Variants in SLC24A3 observed in about 807,000 individuals in gnomAD.
SLC24A3 encodes solute carrier family 24 member 3.
In SLC24A3, 28 loss-of-function variants were observed where a neutral mutation model predicts 75.8. That is an observed-to-expected ratio of 0.37 (90% CI 0.27 to 0.51). SLC24A3 has a LOEUF of 0.51. Among genes scored for constraint, SLC24A3 ranks in the 20% least tolerant of loss-of-function variants. The probability of loss-of-function intolerance (pLI) is 0.94; values close to 1 mark genes in which losing one functional copy is unlikely to be tolerated. For missense variants in SLC24A3, 663 were observed against 847.8 expected (o/e 0.78, Z 2.71); for synonymous variants, 372 against 334.1 (o/e 1.11, Z -1.24).
At chr20:19,326,905 A>G (rs1984876049) in intron 2 of SLC24A3, among the ~76,000 whole-genome samples, 1 of 152,166 alleles carries the variant, frequency 6.6e-6, no homozygotes, top group Non-Finnish European at 1.5e-5. Flanking sequence ...ACAGAAATAG[A>G]TTATTTGGAA....
chr20:19,569,532 C>T (rs1445191101), intron 3 of SLC24A3, among the ~76,000 whole-genome samples: 1 of 152,184 alleles, frequency 6.6e-6, no homozygotes, highest in Non-Finnish European at 1.5e-5. Context: ...CCATTCTTCT[C>T]TGCCCTGCTC....
intron 1 of SLC24A3, among the ~76,000 whole-genome samples, chr20:19,267,965 T>A (rs920654169): frequency 7.9e-5 from 12 of 152,202 alleles, no homozygotes; most frequent in Non-Finnish European, 1.8e-4. Context: ...TCAACAGTTT[T>A]AAAAAATTAT....
At chr20:19,232,735 T>G (rs1216452152) in intron 1 of SLC24A3, among the ~76,000 whole-genome samples, 1 of 152,238 alleles carries the variant, frequency 6.6e-6, no homozygotes, top group Non-Finnish European at 1.5e-5. Flanking sequence ...CCTTTAGGCT[T>G]GTTGCATGCT....
chr20:19,504,582 G>T (rs1201372639), intron 2 of SLC24A3, among the ~76,000 whole-genome samples: 1 of 152,156 alleles, frequency 6.6e-6, no homozygotes, highest in African/African-American at 2.4e-5. Flanking sequence ...GTTCCCTTGA[G>T]GAACTATTTA....
At chr20:19,534,971 T>C (rs576131045) in intron 3 of SLC24A3, among the ~76,000 whole-genome samples, 4 of 152,234 alleles carry the variant, frequency 2.6e-5, no homozygotes, top group African/African-American at 4.8e-5. Context: ...ATGCAGGGTT[T>C]CTCACAAACT....
chr20:19,238,208 A>G (rs1982223711), intron 1 of SLC24A3, among the ~76,000 whole-genome samples: 1 of 152,154 alleles, frequency 6.6e-6, no homozygotes, highest in East Asian at 1.9e-4. Flanking sequence ...CCCAGCTTCT[A>G]ACAGCAGAGA....
chr20:19,474,955 G>A (rs1987937970), intron 2 of SLC24A3, among the ~76,000 whole-genome samples: 1 of 152,098 alleles, frequency 6.6e-6, no homozygotes, highest in African/African-American at 2.4e-5. Flanking sequence ...TGTTTGATGT[G>A]GAAGGAAAGG....
At chr20:19,390,460 G>T (rs1030498569) in intron 2 of SLC24A3, among the ~76,000 whole-genome samples, 1 of 152,134 alleles carries the variant, frequency 6.6e-6, no homozygotes. Context: ...TGGTGCCTGG[G>T]TCCACAGGGG....
chr20:19,281,109 G>A (rs1313320686), intron 2 of SLC24A3, 22 bp downstream of exon 2: 6 of 1,612,698 alleles, frequency 3.7e-6, no homozygotes, highest in Non-Finnish European at 5.1e-6. Context: ...GACTACTCAT[G>A]GGCAGCAGCT....
chr20:19,429,757 C>G (rs536814476), intron 2 of SLC24A3, among the ~76,000 whole-genome samples: 14 of 152,260 alleles, frequency 9.2e-5, no homozygotes, highest in African/African-American at 3.4e-4. Context: ...CCTAGGGTAG[C>G]AGGAGTTCAG....
chr20:19,708,311 C>T (rs2032951113), intron 15 of SLC24A3, among the ~76,000 whole-genome samples: 1 of 152,178 alleles, frequency 6.6e-6, no homozygotes, highest in Admixed American at 6.5e-5. Context: ...GAAACTGTAT[C>T]TTACTCAACT....
chr20:19,686,707 A>C (rs923979872), intron 12 of SLC24A3, among the ~76,000 whole-genome samples: 1 of 152,200 alleles, frequency 6.6e-6, no homozygotes, highest in Non-Finnish European at 1.5e-5. Flanking sequence ...TCCAGAGGAC[A>C]GCAAGTAAAA....
chr20:19,570,545 C>A (rs971672156), intron 3 of SLC24A3, among the ~76,000 whole-genome samples: 1 of 152,158 alleles, frequency 6.6e-6, no homozygotes, highest in African/African-American at 2.4e-5. Context: ...TAGGGACCCC[C>A]ATTTTATCTG....
chr20:19,567,354 T>C (rs2122617508), intron 3 of SLC24A3, among the ~76,000 whole-genome samples: 1 of 152,300 alleles, frequency 6.6e-6, no homozygotes, highest in Middle Eastern at 3.4e-3. Flanking sequence ...TAAAAAAGAA[T>C]GAGGTCATGT....
At chr20:19,652,496 G>T (rs935560268) in intron 6 of SLC24A3, among the ~76,000 whole-genome samples, 16 of 152,106 alleles carry the variant, frequency 1.1e-4, no homozygotes, top group Admixed American at 4.6e-4. Flanking sequence ...AATGAAAAAA[G>T]GGTAAAGAAT....
intron 3 of SLC24A3, among the ~76,000 whole-genome samples, chr20:19,522,429 C>G (rs2030115084): frequency 6.6e-6 from 1 of 152,164 alleles, no homozygotes; most frequent in African/African-American, 2.4e-5. Context: ...GAAGGACACC[C>G]AAGTTAAAAG....
chr20:19,470,223 A>G (rs1466918412), intron 2 of SLC24A3, among the ~76,000 whole-genome samples: 2 of 152,310 alleles, frequency 1.3e-5, no homozygotes, highest in Non-Finnish European at 2.9e-5. Context: ...TCTGCTGTAC[A>G]ACCACTCAAT....
intron 1 of SLC24A3, among the ~76,000 whole-genome samples, chr20:19,272,573 C>G (rs1026855732): frequency 1.3e-5 from 2 of 152,366 alleles, no homozygotes. Context: ...GTCATGCAGA[C>G]AGTTTTGTCC....
chr20:19,691,594 C>T (rs1028207153), intron 12 of SLC24A3, among the ~76,000 whole-genome samples: 18 of 152,118 alleles, frequency 1.2e-4, no homozygotes, highest in Admixed American at 3.9e-4. Context: ...CAGTAGTCCC[C>T]GTAGGAAGCC....
Sources: allele counts gnomAD v4.1 joint callset (sites outside exome capture counted in the v4.1 genomes callset), GRCh38; gene constraint gnomAD v4.1.1; transcripts MANE v1.5; gene names NCBI Gene and HGNC (gene_info 2026-07-23, HGNC 2026-07-21).